The following ABCD3 variants were observed in gnomAD, a reference collection of about 807,000 sequenced individuals.
ABCD3 encodes ATP binding cassette subfamily D member 3, also known as ATP-binding cassette sub-family D member 3.
In ABCD3, 41 loss-of-function variants were observed where a neutral mutation model predicts 105.5. That is an observed-to-expected ratio of 0.39 (90% CI 0.30 to 0.50). The LOEUF is 0.50. Among genes scored for constraint, ABCD3 ranks in the 20% least tolerant of loss-of-function variants. The probability of loss-of-function intolerance (pLI) is 0.84; values close to 1 mark genes in which losing one functional copy is unlikely to be tolerated. For missense variants in ABCD3, 622 were observed against 806.3 expected, an observed-to-expected ratio of 0.77 and a Z score of 2.77; for synonymous variants, 258 against 269.0, an observed-to-expected ratio of 0.96 and a Z score of 0.40.
chr1:94,419,619 G>C (rs893710614), intron 1 of ABCD3, among the ~76,000 whole-genome samples: 4 of 152,128 alleles, frequency 2.6e-5, no homozygotes, highest in Non-Finnish European at 4.4e-5. Context: ...AGCAGGTACT[G>C]TTGCCTCCCG....
At chr1:94,407,239 C>T in the ABCD3 span, among the ~76,000 whole-genome samples, 1 of 152,158 alleles carries the variant, frequency 6.6e-6, no homozygotes, top group Non-Finnish European at 1.5e-5. Flanking sequence ...CAACCTCCAC[C>T]TCCTGGGTTC....
At chr1:94,497,079 C>G (rs1038908475) in intron 16 of ABCD3, among the ~76,000 whole-genome samples, 1 of 152,078 alleles carries the variant, frequency 6.6e-6, no homozygotes, top group Admixed American at 6.6e-5. Context: ...ACTTAGTTGT[C>G]ATATTCAATA....
intron 9 of ABCD3, chr1:94,482,173 CT>C (rs370612108): frequency 9.1e-4 from 138 of 152,230 alleles, no homozygotes; most frequent in African/African-American, 2.8e-3. Context: ...TTCTTATACT[CT>C]TGAGTCTCTG....
At chr1:94,456,265 T>A (rs1647558433) in intron 1 of ABCD3, among the ~76,000 whole-genome samples, 1 of 108,730 alleles carries the variant, frequency 9.2e-6, no homozygotes, top group Non-Finnish European at 1.9e-5. Flanking sequence ...ATTTTTTTTT[T>A]TTTTTTTTTT....
chr1:94,437,267 G>A (rs1167497446), intron 1 of ABCD3, among the ~76,000 whole-genome samples: 11 of 152,204 alleles, frequency 7.2e-5, no homozygotes, highest in African/African-American at 2.7e-4. Flanking sequence ...GACTTTCATA[G>A]CTAGAGAAGA....
intron 21 of ABCD3, among the ~76,000 whole-genome samples, chr1:94,508,732 G>A (rs1263720335): frequency 6.6e-6 from 1 of 151,822 alleles, no homozygotes; most frequent in South Asian, 2.1e-4. Context: ...GGATTCCTAG[G>A]TATTTTATTC....
chr1:94,445,389 G>C (rs1486603668), intron 1 of ABCD3, among the ~76,000 whole-genome samples: 1 of 152,180 alleles, frequency 6.6e-6, no homozygotes, highest in South Asian at 2.1e-4. Flanking sequence ...GGACACCCGG[G>C]TACTCTAAGC....
chr1:94,445,341 G>A (rs539521166), intron 1 of ABCD3, among the ~76,000 whole-genome samples: 31 of 152,262 alleles, frequency 2.0e-4, no homozygotes, highest in Admixed American at 1.0e-3. Context: ...TTGAGGGGTC[G>A]CTGGAGTGAT....
intron 16 of ABCD3, among the ~76,000 whole-genome samples, chr1:94,493,182 T>G (rs1649619172): frequency 6.6e-6 from 1 of 151,878 alleles, no homozygotes; most frequent in African/African-American, 2.4e-5. Flanking sequence ...GGAGAAAATT[T>G]TCGCAACCTA....
chr1:94,388,599 A>G, the ABCD3 span, among the ~76,000 whole-genome samples: 77 of 152,314 alleles, frequency 5.1e-4, no homozygotes, highest in East Asian at 0.015. Context: ...CCCTTGACCA[A>G]CTTCTGTGGC....
chr1:94,507,453 G>A (rs1006762406), intron 21 of ABCD3, among the ~76,000 whole-genome samples: 14 of 152,076 alleles, frequency 9.2e-5, no homozygotes, highest in African/African-American at 2.9e-4. Flanking sequence ...GTAAACATAC[G>A]TGTGCATGTG....
intron 1 of ABCD3, among the ~76,000 whole-genome samples, chr1:94,429,942 A>G (rs1344264706): frequency 6.6e-6 from 1 of 152,208 alleles, no homozygotes; most frequent in Non-Finnish European, 1.5e-5. Flanking sequence ...AAAACTGCAA[A>G]CATTCAATGC....
the ABCD3 span, among the ~76,000 whole-genome samples, chr1:94,399,555 T>C: frequency 6.6e-6 from 1 of 152,200 alleles, no homozygotes; most frequent in Non-Finnish European, 1.5e-5. Flanking sequence ...AAGATTAAAA[T>C]TACACAGTCA....
At chr1:94,473,301 A>AT (rs932178666) in intron 4 of ABCD3, among the ~76,000 whole-genome samples, 3 of 152,110 alleles carry the variant, frequency 2.0e-5, no homozygotes, top group African/African-American at 4.8e-5. Context: ...AGCCTAAAAT[A>AT]TTTACTCTTG....
At chr1:94,449,414 C>A (rs12131298) in intron 1 of ABCD3, among the ~76,000 whole-genome samples, 2 of 152,128 alleles carry the variant, frequency 1.3e-5, no homozygotes, top group East Asian at 1.9e-4. Context: ...TTACCATTGC[C>A]GTGAGTATTC....
At chr1:94,452,615 A>G (rs1322992229) in intron 1 of ABCD3, among the ~76,000 whole-genome samples, 1 of 152,230 alleles carries the variant, frequency 6.6e-6, no homozygotes, top group Non-Finnish European at 1.5e-5. Flanking sequence ...ATTTTTGAAT[A>G]GGCAGTACAT....
chr1:94,490,637 G>A (rs557987086), intron 15 of ABCD3, among the ~76,000 whole-genome samples: 10 of 152,050 alleles, frequency 6.6e-5, no homozygotes, highest in Admixed American at 5.2e-4. Context: ...TATACACACT[G>A]TACACACTAT....
Position 94,502,215 on chromosome 1 carries a change from G to A in ABCD3, c.1740+2601G>A, listed in dbSNP as rs1010877870. On this transcript the variant is annotated intron_variant, in intron 20 of 22. Transcript: ENST00000370214. ...TCAGATGGGCTCACAGCATGGCTTAGCAATCATTTTACTTATTTTTATCCT... is the reference window on the plus strand; with the variant it reads ...TCAGATGGGCTCACAGCATGGCTTAACAATCATTTTACTTATTTTTATCCT... Among the ~76,000 whole-genome samples the A allele has an allele frequency of 9.9e-5, 15 of 152,268 alleles. No individual in the cohort carries two copies. In the East Asian group the frequency reaches 2.5e-3, roughly 26 times the overall value.
At chr1:94,436,863 T>C (rs993778973) in intron 1 of ABCD3, among the ~76,000 whole-genome samples, 2 of 152,194 alleles carry the variant, frequency 1.3e-5, no homozygotes, top group Admixed American at 6.5e-5. Context: ...AAACTGCTCC[T>C]TCAGTAAACA....
Sources: allele counts gnomAD v4.1 joint callset (sites outside exome capture counted in the v4.1 genomes callset), GRCh38; gene constraint gnomAD v4.1.1; transcripts MANE v1.5; gene names NCBI Gene and HGNC (gene_info 2026-07-23, HGNC 2026-07-21).